Variants in PDE4D observed in about 807,000 individuals in gnomAD.
PDE4D encodes phosphodiesterase 4D.
In PDE4D, 24 loss-of-function variants were observed where a neutral mutation model predicts 87.4. The ratio of observed to expected loss-of-function variants is 0.27; its 90% CI spans 0.20 to 0.39. PDE4D has a LOEUF of 0.39. Ranked by LOEUF, PDE4D falls within the 10% of genes least tolerant of loss-of-function variation. The pLI is 1.00. For synonymous variants in PDE4D, 384 were observed against 383.2 expected (o/e 1.00, Z -0.02); for missense variants, 714 against 1,041.0 (o/e 0.69, Z 4.32).
chr5:59,949,169 T>C (rs375890699), intron 3 of PDE4D, among the ~76,000 whole-genome samples: 14 of 152,252 alleles, frequency 9.2e-5, no homozygotes, highest in African/African-American at 2.4e-4. Flanking sequence ...CGGTGGCTCA[T>C]GCCTGTAATC....
intron 1 of PDE4D, among the ~76,000 whole-genome samples, chr5:60,296,340 G>A (rs1753381657): frequency 6.6e-6 from 1 of 152,160 alleles, no homozygotes. Context: ...GGCACAGAAT[G>A]ACAGCAGCCT....
chr5:59,871,137 T>C (rs1201089924), intron 1 of PDE4D, among the ~76,000 whole-genome samples: 1 of 152,204 alleles, frequency 6.6e-6, no homozygotes, highest in Non-Finnish European at 1.5e-5. Context: ...ATTGTTCAAA[T>C]GTAATTAGCA....
chr5:59,187,592 G>GA (rs1561659545), intron 3 of PDE4D, among the ~76,000 whole-genome samples: 3 of 152,140 alleles, frequency 2.0e-5, no homozygotes, highest in Non-Finnish European at 4.4e-5. Context: ...AATAAAAAGT[G>GA]AAAAAAGGAA....
chr5:59,819,282 C>T (rs999531424), intron 1 of PDE4D, among the ~76,000 whole-genome samples: 3 of 152,052 alleles, frequency 2.0e-5, no homozygotes, highest in Admixed American at 2.0e-4. Context: ...TTCTCGCCTT[C>T]TCAACGCCTG....
intron 6 of PDE4D, among the ~76,000 whole-genome samples, chr5:59,011,534 G>A (rs1273174683): frequency 6.6e-6 from 1 of 152,194 alleles, no homozygotes; most frequent in Non-Finnish European, 1.5e-5. Context: ...TCAACTGGAA[G>A]AAAGGGTATC....
intron 1 of PDE4D, among the ~76,000 whole-genome samples, chr5:60,357,483 T>A (rs1440882540): frequency 6.6e-6 from 1 of 152,218 alleles, no homozygotes; most frequent in Non-Finnish European, 1.5e-5. Context: ...CAACTTTCTA[T>A]TAGCTACAAT....
intron 2 of PDE4D, among the ~76,000 whole-genome samples, chr5:60,112,182 T>G (rs1385844918): frequency 6.6e-6 from 1 of 152,100 alleles, no homozygotes; most frequent in African/African-American, 2.4e-5. Context: ...CCATTATATT[T>G]CTGTATATTT....
At chr5:60,052,253 C>A (rs116914305) in intron 2 of PDE4D, among the ~76,000 whole-genome samples, 15 of 151,872 alleles carry the variant, frequency 9.9e-5, no homozygotes, top group African/African-American at 3.6e-4. Context: ...AATTTCAGGC[C>A]GATATCCCTG....
chr5:60,106,945 A>G (rs1285958471), intron 2 of PDE4D, among the ~76,000 whole-genome samples: 1 of 151,880 alleles, frequency 6.6e-6, no homozygotes. Context: ...CACAATTAAA[A>G]GAACTAGAAA....
At chr5:59,331,334 C>T (rs1471614177) in intron 1 of PDE4D, among the ~76,000 whole-genome samples, 1 of 152,166 alleles carries the variant, frequency 6.6e-6, no homozygotes, top group African/African-American at 2.4e-5. Flanking sequence ...GACCTCTCCT[C>T]TTGGCTTGTA....
intron 1 of PDE4D, chr5:59,275,870 T>TC (rs1312575037): frequency 1.0e-6 from 1 of 985,342 alleles, no homozygotes; most frequent in Admixed American, 6.2e-5. Context: ...TCAAGGAAGT[T>TC]CCATTTCAGG....
At chr5:59,707,424 C>T (rs1753589619) in intron 1 of PDE4D, among the ~76,000 whole-genome samples, 1 of 152,172 alleles carries the variant, frequency 6.6e-6, no homozygotes, top group Admixed American at 6.5e-5. Flanking sequence ...ATATGTTGGT[C>T]TAGTCCCAGG....
intron 5 of PDE4D, among the ~76,000 whole-genome samples, chr5:59,089,122 A>G (rs940763788): frequency 6.6e-6 from 1 of 152,284 alleles, no homozygotes; most frequent in Non-Finnish European, 1.5e-5. Context: ...TTCCTGCTGT[A>G]TGGAAAACCT....
At chr5:60,130,820 A>G (rs1229541702) in intron 2 of PDE4D, among the ~76,000 whole-genome samples, 1 of 152,224 alleles carries the variant, frequency 6.6e-6, no homozygotes, top group Non-Finnish European at 1.5e-5. Context: ...GTCTGTGCCT[A>G]TGGGTCCCAG....
chr5:60,114,836 G>T (rs1273985433), intron 2 of PDE4D, among the ~76,000 whole-genome samples: 1 of 151,988 alleles, frequency 6.6e-6, no homozygotes, highest in Non-Finnish European at 1.5e-5. Context: ...GACATTATAT[G>T]TATATGTGTG....
chr5:59,270,767 A>G (rs557610545), intron 1 of PDE4D, among the ~76,000 whole-genome samples: 1 of 152,318 alleles, frequency 6.6e-6, no homozygotes, highest in South Asian at 2.1e-4. Flanking sequence ...ATGGCCATTA[A>G]AAAGATAATT....
At chr5:59,851,719 T>C (rs772635412) in intron 1 of PDE4D, among the ~76,000 whole-genome samples, 1 of 152,012 alleles carries the variant, frequency 6.6e-6, no homozygotes, top group Admixed American at 6.6e-5. Context: ...ACCCAAGCAG[T>C]AGGAAGATTC....
intron 1 of PDE4D, among the ~76,000 whole-genome samples, chr5:60,511,420 CTTTAA>C (rs575571581): frequency 1.8e-4 from 27 of 151,922 alleles, no homozygotes; most frequent in Non-Finnish European, 3.2e-4. Flanking sequence ...AAGTAAGTTA[CTTTAA>C]TTTATTTTAT....
At chr5:59,314,777 C>A (rs948704006) in intron 1 of PDE4D, 1 of 152,164 alleles carries the variant, frequency 6.6e-6, no homozygotes, top group African/African-American at 2.4e-5. Flanking sequence ...CTCCCCTGCT[C>A]GAACCAGCTG....
Sources: allele counts gnomAD v4.1 joint callset (sites outside exome capture counted in the v4.1 genomes callset), GRCh38; gene constraint gnomAD v4.1.1; transcripts MANE v1.5; gene names NCBI Gene and HGNC (gene_info 2026-07-23, HGNC 2026-07-21).